The following CHN2 variants were observed in gnomAD, a reference collection of about 807,000 sequenced individuals.
CHN2 encodes the protein beta-chimaerin.
CHN2 carries 35 observed loss-of-function variants against 56.3 expected under a neutral mutation model. That is an observed-to-expected ratio of 0.62 (90% CI 0.47 to 0.82). The LOEUF is 0.82. CHN2 is among the 40% of genes least tolerant of loss of function. The pLI is 0.00. For synonymous variants in CHN2, 210 were observed against 212.8 expected (o/e 0.99, Z 0.12); for missense variants, 491 against 580.5 (o/e 0.85, Z 1.58).
At chr7:29,312,932 T>G (rs1156937565) in intron 1 of CHN2, among the ~76,000 whole-genome samples, 1 of 152,150 alleles carries the variant, frequency 6.6e-6, no homozygotes, top group Non-Finnish European at 1.5e-5. Context: ...CAAAGCACTC[T>G]TTCCTTAGAC....
chr7:29,419,540 A>T (rs1216865581), intron 6 of CHN2, among the ~76,000 whole-genome samples: 1 of 152,190 alleles, frequency 6.6e-6, no homozygotes, highest in Non-Finnish European at 1.5e-5. Context: ...ACAAAGTGAA[A>T]AGGCAACTTA....
chr7:29,345,971 C>A (rs549473721), intron 1 of CHN2, among the ~76,000 whole-genome samples: 1 of 152,102 alleles, frequency 6.6e-6, no homozygotes, highest in Non-Finnish European at 1.5e-5. Context: ...TAGAAAAATC[C>A]GTGCTATGAG....
At chr7:29,430,771 G>C (rs1042673999) in intron 6 of CHN2, among the ~76,000 whole-genome samples, 1 of 139,966 alleles carries the variant, frequency 7.1e-6, no homozygotes, top group Non-Finnish European at 1.5e-5. Flanking sequence ...CCTAAGCAGA[G>C]GGTAAGAAAG....
intron 1 of CHN2, among the ~76,000 whole-genome samples, chr7:29,311,930 A>T (rs892907274): frequency 3.9e-5 from 6 of 152,234 alleles, no homozygotes; most frequent in Non-Finnish European, 7.3e-5. Context: ...CTAGAAGAAC[A>T]TGTCAAGGGC....
intron 3 of CHN2, among the ~76,000 whole-genome samples, chr7:29,391,015 G>A (rs559691085): frequency 2.6e-5 from 4 of 152,196 alleles, no homozygotes; most frequent in Non-Finnish European, 5.9e-5. Context: ...TTAGACTCCT[G>A]TGAGTAAAAA....
Position 29,158,334 on chromosome 7 carries a change from A to G in CHN2, c.274+11374A>G, listed in dbSNP as rs115075697. On this transcript the variant is annotated intron_variant, in intron 2 of 6. Transcript: ENST00000439384. ...TCCTATAATAGAGCAAATAATTGCT[A>G]CTTTTTATTGCTGTAGAGCAGATTA... 5.8e-3 allele frequency among the ~76,000 whole-genome samples: 886 copies of G among 152,346 alleles called. 14 individuals carry two copies. Among genetic ancestry groups the G allele is most frequent in the African/African-American group, 0.02 (847 of 41,570 alleles).
chr7:29,251,675 G>A (rs932400643), intron 1 of CHN2, among the ~76,000 whole-genome samples: 1 of 152,112 alleles, frequency 6.6e-6, no homozygotes, highest in Admixed American at 6.5e-5. Context: ...AGTAATATTT[G>A]ATAAACAGAG....
chr7:29,396,223 G>A (rs55796771), intron 4 of CHN2, among the ~76,000 whole-genome samples: 10,436 of 151,936 alleles, frequency 0.069, 388 homozygotes, highest in Middle Eastern at 0.099. Flanking sequence ...CGGGTTGATC[G>A]CCTGAGTTCA....
chr7:29,250,972 A>G (rs1416484241), intron 1 of CHN2, among the ~76,000 whole-genome samples: 3 of 152,118 alleles, frequency 2.0e-5, no homozygotes, highest in Non-Finnish European at 2.9e-5. Flanking sequence ...AGCCTCCCAA[A>G]GTGGTGGGAT....
intron 2 of CHN2, among the ~76,000 whole-genome samples, chr7:29,154,159 T>C (rs541417924): frequency 2.4e-4 from 37 of 152,246 alleles, no homozygotes; most frequent in Admixed American, 1.8e-3. Flanking sequence ...ATTCTGACAG[T>C]TGCCCCTGGG....
chr7:29,221,853 G>A (rs578028851), intron 1 of CHN2, among the ~76,000 whole-genome samples: 1 of 152,066 alleles, frequency 6.6e-6, no homozygotes, highest in African/African-American at 2.4e-5. Context: ...TCTTTATCCA[G>A]TCTATCATTG....
chr7:29,208,858 G>A (rs564354716), intron 1 of CHN2: 12 of 152,386 alleles, frequency 7.9e-5, no homozygotes, highest in Non-Finnish European at 1.6e-4. Context: ...CCTTCTCTTA[G>A]CGCTGCCCTC....
chr7:29,383,013 C>A (rs1384090606), intron 3 of CHN2, among the ~76,000 whole-genome samples: 1 of 152,088 alleles, frequency 6.6e-6, no homozygotes, highest in Non-Finnish European at 1.5e-5. Flanking sequence ...CAAGCAAGGA[C>A]CATCCAGGGA....
intron 1 of CHN2, among the ~76,000 whole-genome samples, chr7:29,258,875 T>G (rs965053472): frequency 6.6e-6 from 1 of 152,230 alleles, no homozygotes; most frequent in African/African-American, 2.4e-5. Flanking sequence ...CATCTTTCTA[T>G]CTTTACAAGT....
chr7:29,237,596 T>C (rs887005573), intron 1 of CHN2, among the ~76,000 whole-genome samples: 1 of 152,202 alleles, frequency 6.6e-6, no homozygotes, highest in Non-Finnish European at 1.5e-5. Context: ...CAGAAACTTT[T>C]CTGGGTTCCT....
intron 7 of CHN2, among the ~76,000 whole-genome samples, chr7:29,493,622 C>T (rs1350523099): frequency 6.6e-6 from 1 of 152,044 alleles, no homozygotes. Flanking sequence ...CATCATTTAC[C>T]TAGTTCCTAA....
At chr7:29,274,332 TC>T (rs1225397267) in intron 1 of CHN2, among the ~76,000 whole-genome samples, 1 of 152,234 alleles carries the variant, frequency 6.6e-6, no homozygotes, top group Non-Finnish European at 1.5e-5. Context: ...CATACGTTTT[TC>T]CTCTTCACAA....
At chr7:29,415,965 G>GT (rs375885106) in intron 6 of CHN2, among the ~76,000 whole-genome samples, 1 of 152,172 alleles carries the variant, frequency 6.6e-6, no homozygotes, top group African/African-American at 2.4e-5. Flanking sequence ...TGGTTAAATT[G>GT]TTTTTTGTAA....
chr7:29,260,406 G>A (rs902628914), intron 1 of CHN2, among the ~76,000 whole-genome samples: 7 of 152,224 alleles, frequency 4.6e-5, no homozygotes, highest in African/African-American at 1.7e-4. Context: ...TCTCTCATTG[G>A]CAGTATTTTC....
Sources: gnomAD v4.1 joint callset for allele counts (sites outside exome capture counted in the v4.1 genomes callset) on GRCh38, gnomAD v4.1.1 for gene constraint, MANE v1.5 for transcripts, NCBI Gene and HGNC (gene_info 2026-07-23, HGNC 2026-07-21) for gene names.